The following MPP7 variants were observed in gnomAD, a reference collection of about 807,000 sequenced individuals.
The protein encoded by MPP7 is MAGUK p55 subfamily member 7.
Under a neutral mutation model 76.5 loss-of-function variants are expected in MPP7, and 60 were observed. The ratio of observed to expected loss-of-function variants is 0.78; its 90% CI spans 0.64 to 0.97. The LOEUF (loss-of-function observed/expected upper bound fraction) is 0.97. Ranked by LOEUF, MPP7 falls within the 50% of genes least tolerant of loss-of-function variation. MPP7 has a pLI of 0.00. For synonymous variants in MPP7, 237 were observed against 244.5 expected (o/e 0.97, Z 0.29); for missense variants, 641 against 694.0 (o/e 0.92, Z 0.86).
At chr10:28,325,262 C>T (rs1834400399) in intron 2 of MPP7, among the ~76,000 whole-genome samples, 1 of 152,126 alleles carries the variant, frequency 6.6e-6, no homozygotes, top group African/African-American at 2.4e-5. Flanking sequence ...GAGTCAATAA[C>T]ATTAGCTAGT....
At chr10:28,229,901 C>A (rs1246662625) in intron 2 of MPP7, among the ~76,000 whole-genome samples, 26 of 149,328 alleles carry the variant, frequency 1.7e-4, no homozygotes, top group Admixed American at 5.3e-4. Flanking sequence ...AAAAAAAAAA[C>A]AAAAACAAAA....
chr10:28,210,010 A>ACAC (rs1347122125), intron 2 of MPP7, among the ~76,000 whole-genome samples: 1 of 152,144 alleles, frequency 6.6e-6, no homozygotes. Context: ...TTGAGCTGGG[A>ACAC]CACCCATCTT....
chr10:28,228,622 C>T (rs1444237257), intron 2 of MPP7, among the ~76,000 whole-genome samples: 2 of 151,832 alleles, frequency 1.3e-5, no homozygotes, highest in African/African-American at 4.8e-5. Context: ...AAAAATTAGC[C>T]GGGTGTGGTG....
intron 1 of MPP7, among the ~76,000 whole-genome samples, chr10:28,292,465 AT>A (rs1429196443): frequency 6.6e-6 from 1 of 151,030 alleles, no homozygotes; most frequent in African/African-American, 2.4e-5. Flanking sequence ...AAAAAAAAAA[AT>A]CTGACCTCCA....
intron 1 of MPP7, among the ~76,000 whole-genome samples, chr10:28,292,309 T>C (rs925742781): frequency 1.3e-5 from 2 of 152,196 alleles, no homozygotes; most frequent in African/African-American, 2.4e-5. Flanking sequence ...AAGTGATGCA[T>C]AGTTGTCGAT....
intron 11 of MPP7, among the ~76,000 whole-genome samples, chr10:28,115,889 G>A (rs963277197): frequency 6.6e-5 from 10 of 152,002 alleles, no homozygotes; most frequent in African/African-American, 1.9e-4. Flanking sequence ...AATATTTTGT[G>A]TTTTCCTTTC....
chr10:28,179,255 C>T (rs1177165002), intron 3 of MPP7, among the ~76,000 whole-genome samples: 1 of 152,098 alleles, frequency 6.6e-6, no homozygotes, highest in Admixed American at 6.5e-5. Flanking sequence ...AATAAAACTT[C>T]CCAGAATCTT....
At chr10:28,240,895 C>T (rs1368387534) in intron 1 of MPP7, among the ~76,000 whole-genome samples, 2 of 152,068 alleles carry the variant, frequency 1.3e-5, no homozygotes, top group African/African-American at 4.8e-5. Context: ...TCTGCAGACA[C>T]ATTTGTACCA....
At chr10:28,289,316 C>T (rs1047699864) in intron 1 of MPP7, 4 of 148,146 alleles carry the variant, frequency 2.7e-5, no homozygotes, top group African/African-American at 1.0e-4. Context: ...AAAAAAAAAG[C>T]TAACCATATC....
intron 3 of MPP7, among the ~76,000 whole-genome samples, chr10:28,158,960 G>A (rs896749282): frequency 1.3e-5 from 2 of 152,094 alleles, no homozygotes; most frequent in Admixed American, 6.5e-5. Context: ...GGTATTGGGG[G>A]AGTAGGGGTA....
intron 2 of MPP7, among the ~76,000 whole-genome samples, chr10:28,321,729 C>T (rs1483128526): frequency 6.6e-6 from 1 of 152,050 alleles, no homozygotes; most frequent in Non-Finnish European, 1.5e-5. Context: ...GGACTACAAG[C>T]ATGTGCCACC....
rs371834411 is a variant in MPP7 at position 28,266,093 on chromosome 10, G to A, written c.-131-27358C>T. On this transcript the variant is annotated intron_variant, in intron 1 of 16. Transcript: ENST00000683449. The stretch of plus-strand genomic sequence containing the variant: ...TCCTGCCTCAGCCTCCCTAGTAGCT[G>A]GGATTACAGGCGCCCACCACCGTGC... Among the ~76,000 whole-genome samples the A allele has an allele frequency of 2.8e-3, 433 of 152,050 alleles. 4 individuals are homozygous for A. Among genetic ancestry groups the A allele is most frequent in the African/African-American group, 0.01 (417 of 41,448 alleles).
At chr10:28,225,254 C>A (rs1161766910) in intron 2 of MPP7, among the ~76,000 whole-genome samples, 1 of 152,070 alleles carries the variant, frequency 6.6e-6, no homozygotes, top group African/African-American at 2.4e-5. Flanking sequence ...TTTTCATGAC[C>A]TTGTATTTGA....
At chr10:28,076,964 G>A (rs889392166) in intron 12 of MPP7, among the ~76,000 whole-genome samples, 2 of 151,426 alleles carry the variant, frequency 1.3e-5, no homozygotes, top group Non-Finnish European at 2.9e-5. Flanking sequence ...AGGAAGGGAT[G>A]TAAATTCACC....
intron 3 of MPP7, among the ~76,000 whole-genome samples, chr10:28,177,584 T>C (rs1836918351): frequency 6.6e-6 from 1 of 152,152 alleles, no homozygotes; most frequent in African/African-American, 2.4e-5. Flanking sequence ...AAATAAACCA[T>C]AGCATAAGCG....
intron 11 of MPP7, among the ~76,000 whole-genome samples, chr10:28,096,963 G>C (rs1013427090): frequency 6.6e-6 from 1 of 151,898 alleles, no homozygotes; most frequent in Admixed American, 6.6e-5. Flanking sequence ...GTGATTCTTG[G>C]TCTAAATTTA....
At chr10:28,310,639 CTTTTCAAAT>C (rs1039969542) in intron 2 of MPP7, among the ~76,000 whole-genome samples, 2 of 152,090 alleles carry the variant, frequency 1.3e-5, no homozygotes, top group Non-Finnish European at 2.9e-5. Flanking sequence ...CCTGAAGAGC[CTTTTCAAAT>C]TATACAAGCA....
intron 11 of MPP7, among the ~76,000 whole-genome samples, chr10:28,091,130 G>C (rs1166011907): frequency 6.6e-6 from 1 of 151,956 alleles, no homozygotes; most frequent in Non-Finnish European, 1.5e-5. Flanking sequence ...CTAGGTGACA[G>C]AGTAAGACTC....
At chr10:28,170,490 C>T (rs1375237195) in intron 3 of MPP7, among the ~76,000 whole-genome samples, 1 of 151,670 alleles carries the variant, frequency 6.6e-6, no homozygotes, top group African/African-American at 2.4e-5. Context: ...TCTTTATCAT[C>T]GCTGCCTGGA....
Sources: gnomAD v4.1 joint callset for allele counts (sites outside exome capture counted in the v4.1 genomes callset) on GRCh38, gnomAD v4.1.1 for gene constraint, MANE v1.5 for transcripts, NCBI Gene and HGNC (gene_info 2026-07-23, HGNC 2026-07-21) for gene names.